Variants in CMIP observed in about 807,000 individuals in gnomAD.
The protein encoded by CMIP is C-Maf-inducing protein.
In CMIP, 13 loss-of-function variants were observed where a neutral mutation model predicts 97.3. That is an observed-to-expected ratio of 0.13 (90% CI 0.09 to 0.21). The LOEUF is 0.21. CMIP is among the 10% of genes least tolerant of loss of function. The pLI is 1.00. For missense variants in CMIP, 847 were observed against 1,024.9 expected (o/e 0.83, Z 2.37); for synonymous variants, 538 against 436.3 (o/e 1.23, Z -2.91).
At chr16:81,549,273 T>C (rs1439734042) in intron 1 of CMIP, among the ~76,000 whole-genome samples, 2 of 152,212 alleles carry the variant, frequency 1.3e-5, no homozygotes, top group African/African-American at 2.4e-5. Flanking sequence ...TCTTAGGCAA[T>C]GATTAACCTG....
In CMIP at chr16:81,488,902, C is replaced by G. The variant is rs113226066; in HGVS notation, c.300+43361C>G. ...ATTGATGCTGGACTTTGCTTCCTGTCTCTGGCAGGCACTGGAAGAGATGGC... is the reference window on the plus strand; with the variant it reads ...ATTGATGCTGGACTTTGCTTCCTGTGTCTGGCAGGCACTGGAAGAGATGGC... On this transcript the variant is annotated intron_variant, in intron 1 of 20. Coordinates refer to ENST00000537098, the MANE Select transcript of CMIP (RefSeq NM_198390.3). 2.6e-5 allele frequency among the ~76,000 whole-genome samples: 4 copies of G among 152,258 alleles called. 1 individual carries two copies. The highest frequency in any genetic ancestry group is 9.6e-5 in the African/African-American group (4 of 41,546).
intron 10 of CMIP, among the ~76,000 whole-genome samples, chr16:81,689,596 C>T (rs1201595212): frequency 6.6e-6 from 1 of 152,172 alleles, no homozygotes; most frequent in Non-Finnish European, 1.5e-5. Context: ...TTCTCCCATT[C>T]TGTAGGTTTC....
intron 1 of CMIP, among the ~76,000 whole-genome samples, chr16:81,457,491 G>A (rs1223550875): frequency 6.6e-6 from 1 of 152,178 alleles, no homozygotes; most frequent in Non-Finnish European, 1.5e-5. Context: ...GGTACACAGG[G>A]AGCAGGAGGA....
chr16:81,652,159 T>C lies in CMIP; in HGVS notation c.478-44T>C. ...GATTGTCTTCCATCTTCTGCCTTCC[T>C]TACGTGAGTAACATGTTGCTGTCTC... is the stretch of plus-strand genomic sequence containing the variant. On this transcript the variant is annotated intron_variant, in intron 3 of 20. Transcript: ENST00000537098. This position sits in a 1 kb window ranked among gnomAD's most constrained non-coding sequence, Gnocchi z 5.2. 1 of 1,515,394 alleles carries C rather than the reference T, an allele frequency of 6.6e-7. No individual in the cohort carries two copies. The highest frequency in any genetic ancestry group is 9.1e-7 in the Non-Finnish European group (1 of 1,093,152). 93.9% of individuals were successfully genotyped at this position (1,515,394 alleles called of 1,614,324 possible). A position where few individuals can be genotyped will look rare whatever the true frequency, so the allele number is the denominator to read the frequency against.
intron 1 of CMIP, among the ~76,000 whole-genome samples, chr16:81,531,317 G>T (rs550334202): frequency 6.6e-6 from 1 of 152,182 alleles, no homozygotes; most frequent in Non-Finnish European, 1.5e-5. Flanking sequence ...GAGAGGTGTG[G>T]AGCAGATCCT....
intron 1 of CMIP, among the ~76,000 whole-genome samples, chr16:81,503,102 T>C (rs965370964): frequency 3.7e-4 from 56 of 152,324 alleles, no homozygotes; most frequent in African/African-American, 1.3e-3. Context: ...ATATTACAGC[T>C]AAAGAACACA....
intron 1 of CMIP, among the ~76,000 whole-genome samples, chr16:81,560,099 T>A (rs9922354): frequency 0.29 from 43,372 of 148,868 alleles, 6,752 homozygotes; most frequent in African/African-American, 0.38. Flanking sequence ...AGGGGCCCTG[T>A]CTGCGTCACT....
intron 16 of CMIP, among the ~76,000 whole-genome samples, 157 bp from the exon 17 acceptor site, chr16:81,702,465 C>G (rs1597273128): frequency 6.6e-6 from 1 of 152,226 alleles, no homozygotes; most frequent in East Asian, 1.9e-4. Flanking sequence ...GTGCTCAAAC[C>G]TCATCTCCGG....
chr16:81,652,896 C>T lies in CMIP; in HGVS notation c.639+532C>T, dbSNP rs1372226625. Among the ~76,000 whole-genome samples the T allele has an allele frequency of 1.3e-5, 2 of 152,136 alleles. No individual in the cohort carries two copies. The highest frequency in any genetic ancestry group is 1.3e-4 in the Admixed American group (2 of 15,270). On this transcript the variant is annotated intron_variant, in intron 4 of 20. Transcript: ENST00000537098. The surrounding 1 kb of genome is among the most constrained non-coding windows in gnomAD (Gnocchi z 5.2). Reference sequence around the variant, plus strand: ...CTCCTGTGCCATCTGCTTTGCTGGCCTCCTCGCATATTGAATGTGTGCTTT... The same window carrying T: ...CTCCTGTGCCATCTGCTTTGCTGGCTTCCTCGCATATTGAATGTGTGCTTT...
intron 1 of CMIP, chr16:81,517,781 T>G: frequency 6.0e-6 from 1 of 166,680 alleles, no homozygotes; most frequent in Non-Finnish European, 1.2e-5. Context: ...ATTCTCTGGG[T>G]GTGTTTAGGA....
rs781052399 is a variant in CMIP, at chr16:81,678,462, C to T, written c.1222C>T (p.Arg408Cys). 1.3e-5 allele frequency: 21 copies of T among 1,591,012 alleles called. No individual in the cohort carries two copies. The highest frequency in any genetic ancestry group is 3.6e-5 in the Admixed American group (2 of 56,254). The change falls in exon 10 of 21, where the codon CGC becomes TGC. Residue 408 changes from arginine (R) to cysteine (C), a missense_variant. Coordinates refer to ENST00000537098, the MANE Select transcript of CMIP (RefSeq NM_198390.3). ...CAGTGAGATCCACGTGGAGGTGGAA[C>T]GCACCAGCACTGCCAAGCCGGCGCT... ...ASSEIHVEVERTSTAKPALTA... is the reference protein window; with the variant it reads ...ASSEIHVEVECTSTAKPALTA...
chr16:81,592,472 C>A (rs771042499), intron 1 of CMIP, among the ~76,000 whole-genome samples: 9 of 152,206 alleles, frequency 5.9e-5, no homozygotes, highest in Non-Finnish European at 1.0e-4. Flanking sequence ...TCCAGGGTGC[C>A]CCTCCCTCCT....
intron 1 of CMIP, among the ~76,000 whole-genome samples, chr16:81,581,808 G>C (rs769574025): frequency 3.9e-5 from 6 of 152,192 alleles, no homozygotes; most frequent in Non-Finnish European, 7.3e-5. Context: ...GACCCAGGGA[G>C]CCTGATCCCC....
intron 1 of CMIP, among the ~76,000 whole-genome samples, chr16:81,534,211 G>A (rs973995220): frequency 2.0e-5 from 3 of 152,220 alleles, no homozygotes; most frequent in African/African-American, 7.2e-5. Flanking sequence ...CCCAATAGCA[G>A]TGGACTCTGA....
chr16:81,645,664 CG>C, intron 3 of CMIP: 1 of 1,515,376 alleles, frequency 6.6e-7, no homozygotes, highest in East Asian at 2.5e-5. Flanking sequence ...CTCTGCCAGA[CG>C]GGAAGCAGGA....
At position 81,513,380 on chromosome 16, in the gene CMIP, G is replaced by A. The variant is rs543899685; in HGVS notation, c.300+67839G>A. On this transcript the variant is annotated intron_variant, in intron 1 of 20. Transcript: ENST00000537098. The stretch of plus-strand genomic sequence containing the variant: ...CCAGCGCGGCTGGCCTGGGCCCCAC[G>A]CATAGTAGGTGTTCCGGAAACGGCT... 5.3e-5 allele frequency among the ~76,000 whole-genome samples: 8 copies of A among 152,330 alleles called. No individual in the cohort carries two copies. In the East Asian group the frequency reaches 1.2e-3, roughly 22 times the overall value.
At chr16:81,540,882 G>A (rs910612170) in intron 1 of CMIP, among the ~76,000 whole-genome samples, 2 of 151,482 alleles carry the variant, frequency 1.3e-5, no homozygotes, top group Admixed American at 6.6e-5. Context: ...GGGTTTCACC[G>A]TGTTAGCCAG....
intron 1 of CMIP, among the ~76,000 whole-genome samples, chr16:81,459,171 C>T (rs988967888): frequency 6.6e-6 from 1 of 152,176 alleles, no homozygotes; most frequent in Non-Finnish European, 1.5e-5. Context: ...AGCTTGAAGG[C>T]AGGGTTTGGG....
At chr16:81,626,243 G>A (rs2092060355) in intron 3 of CMIP, among the ~76,000 whole-genome samples, 1 of 152,062 alleles carries the variant, frequency 6.6e-6, no homozygotes, top group South Asian at 2.1e-4. Flanking sequence ...AAGAGTGAAT[G>A]TGTGAGTGTG....
Sources: gnomAD v4.1 joint callset for allele counts (sites outside exome capture counted in the v4.1 genomes callset) on GRCh38, gnomAD v4.1.1 for gene constraint, Gnocchi (gnomAD v3.1) non-coding constraint, MANE v1.5 for transcripts, NCBI Gene and HGNC (gene_info 2026-07-23, HGNC 2026-07-21) for gene names.